Variants in CDC14A observed in about 807,000 individuals in gnomAD.
CDC14A encodes the protein cell division cycle 14A, also known as dual specificity protein phosphatase CDC14A.
A neutral mutation model predicts 74.4 loss-of-function variants in CDC14A; 53 were observed. The observed-to-expected ratio is 0.71, with a 90% confidence interval of 0.57 to 0.89. CDC14A has a LOEUF of 0.89. CDC14A is among the 40% of genes least tolerant of loss of function. The pLI is 0.00. For synonymous variants in CDC14A, 247 were observed against 258.4 expected (o/e 0.96, Z 0.43); for missense variants, 646 against 713.7 (o/e 0.91, Z 1.08).
chr1:100,422,587 T>C (rs763976786), intron 4 of CDC14A, among the ~76,000 whole-genome samples: 1 of 152,180 alleles, frequency 6.6e-6, no homozygotes, highest in Non-Finnish European at 1.5e-5. Flanking sequence ...AGTTTTGTAA[T>C]TATTTGAGCT....
chr1:100,429,633 C>T lies in CDC14A; in HGVS notation c.389+5332C>T, dbSNP rs150077374. 3.5e-3 allele frequency among the ~76,000 whole-genome samples: 523 copies of T among 150,046 alleles called. 7 individuals are homozygous for T. The highest frequency in any genetic ancestry group is 0.012 in the African/African-American group (496 of 40,838). On this transcript the variant is annotated intron_variant, in intron 5 of 15. Transcript: ENST00000336454. ...TTTTGAAAAACTGCATATATGATGCCAATATGTGTGGTCAAGGTTGAGAAC... is the reference window on the plus strand; with the variant it reads ...TTTTGAAAAACTGCATATATGATGCTAATATGTGTGGTCAAGGTTGAGAAC...
At chr1:100,516,218 G>T (rs180879125) in intron 15 of CDC14A, among the ~76,000 whole-genome samples, 31 of 152,282 alleles carry the variant, frequency 2.0e-4, no homozygotes, top group African/African-American at 7.5e-4. Flanking sequence ...ACTGGGTACT[G>T]TGATTCACTA....
At chr1:100,402,859 A>G (rs1476969622) in intron 4 of CDC14A, among the ~76,000 whole-genome samples, 1 of 152,244 alleles carries the variant, frequency 6.6e-6, no homozygotes, top group Non-Finnish European at 1.5e-5. Context: ...GTGGAAGAGT[A>G]GAATTTTCTA....
chr1:100,453,728 C>T (rs367992388), intron 7 of CDC14A, among the ~76,000 whole-genome samples: 2 of 152,202 alleles, frequency 1.3e-5, no homozygotes, highest in East Asian at 1.9e-4. Context: ...CAACCTTCAT[C>T]GCTGGGGCTC....
chr1:100,426,760 A>G (rs1419435364), intron 5 of CDC14A, among the ~76,000 whole-genome samples: 2 of 152,120 alleles, frequency 1.3e-5, no homozygotes, highest in Non-Finnish European at 2.9e-5. Context: ...ATATGCACCC[A>G]TTTCCTACTA....
chr1:100,386,393 G>A (rs144514164), intron 3 of CDC14A, among the ~76,000 whole-genome samples: 1 of 152,192 alleles, frequency 6.6e-6, no homozygotes, highest in East Asian at 1.9e-4. Context: ...CTTTGCTATG[G>A]CATACAGTGT....
intron 8 of CDC14A, among the ~76,000 whole-genome samples, chr1:100,456,205 G>A (rs1399389386): frequency 6.6e-6 from 1 of 151,952 alleles, no homozygotes; most frequent in Non-Finnish European, 1.5e-5. Flanking sequence ...TATTGCCATG[G>A]GCATACATAT....
upstream of CDC14A, among the ~76,000 whole-genome samples, chr1:100,352,003 T>TGTGC (rs1553167114): frequency 4.2e-4 from 52 of 122,852 alleles, no homozygotes; most frequent in East Asian, 1.0e-3. Context: ...TGTGTGTGTG[T>TGTGC]GCGCGCGCGC....
intron 5 of CDC14A, among the ~76,000 whole-genome samples, chr1:100,427,212 C>G (rs1181806634): frequency 6.6e-6 from 1 of 152,062 alleles, no homozygotes; most frequent in African/African-American, 2.4e-5. Flanking sequence ...GATATATTAA[C>G]ACTTTTAATT....
chr1:100,511,314 CCCTT>C (rs969953057), intron 15 of CDC14A, among the ~76,000 whole-genome samples: 1 of 152,180 alleles, frequency 6.6e-6, no homozygotes, highest in Non-Finnish European at 1.5e-5. Flanking sequence ...ACTTCCCCCT[CCCTT>C]GTCTCTTTGA....
rs996890998 is a variant in CDC14A, at chr1:100,485,419, T to C, written c.1137+968T>C. 8.3e-6 allele frequency: 5 copies of C among 601,712 alleles called. No individual in the cohort carries two copies. The South Asian group carries it at 3.6e-4, about 44-fold the overall frequency. 37.3% of individuals were successfully genotyped at this position (601,712 alleles called of 1,614,324 possible). On this transcript the variant is annotated intron_variant, in intron 11 of 15. Coordinates refer to ENST00000336454, the MANE Select transcript of CDC14A (RefSeq NM_003672.4). ...ACCTGTTCAAAATAGTGGAACAAGC[T>C]AGGCAGCGTGATGTGTGCCTGTGTG...
rs997805935 is a variant in CDC14A at position 100,380,006 on chromosome 1, G to T, written c.216+2385G>T. Among the ~76,000 whole-genome samples the T allele has an allele frequency of 2.6e-5, 4 of 152,260 alleles. No individual in the cohort carries two copies. In the South Asian group the frequency reaches 8.3e-4, roughly 32 times the overall value. ...CCCACCTCTTAACACTGGGGATCACGTGAGATTTGGAGAGGACAAATATCC... is the reference window on the plus strand; with the variant it reads ...CCCACCTCTTAACACTGGGGATCACTTGAGATTTGGAGAGGACAAATATCC... On this transcript the variant is annotated intron_variant, in intron 3 of 15. Transcript: ENST00000336454.
chr1:100,429,054 A>AG (rs1557750431), intron 5 of CDC14A, among the ~76,000 whole-genome samples: 3 of 151,978 alleles, frequency 2.0e-5, no homozygotes, highest in Non-Finnish European at 4.4e-5. Context: ...TACAAAAAAA[A>AG]GTAGCCAGCC....
chr1:100,352,051 G>T (rs1651099341), upstream of CDC14A, among the ~76,000 whole-genome samples: 1 of 137,656 alleles, frequency 7.3e-6, no homozygotes, highest in Non-Finnish European at 1.7e-5. Flanking sequence ...GGGTGAGTGG[G>T]CGAGAAAGAA....
Position 100,468,081 on chromosome 1 carries a change from C to T in CDC14A, c.964C>T (p.His322Tyr). The T allele has an allele frequency of 6.2e-7, 1 of 1,613,668 alleles. No individual in the cohort carries two copies. Among genetic ancestry groups the T allele is most frequent in the Non-Finnish European group, 8.5e-7 (1 of 1,179,836 alleles). Residue 322 changes from histidine (H) to tyrosine (Y), a missense_variant, in exon 10 of 16, where the codon CAC becomes TAC. His to Tyr is a moderately conservative substitution (Grantham distance 83). Coordinates refer to ENST00000336454, the MANE Select transcript of CDC14A (RefSeq NM_003672.4). ...RPGSIIGPQQ[H>Y]FLEEKQASLW... ...AGGCTCTATTATAGGACCCCAGCAG[C>T]ACTTCCTGGAAGAGTAAGTATATTG...
At chr1:100,488,111 A>G (rs866957123) in intron 11 of CDC14A, among the ~76,000 whole-genome samples, 21 of 152,204 alleles carry the variant, frequency 1.4e-4, no homozygotes, top group African/African-American at 4.8e-4. Flanking sequence ...TCACTTTAAC[A>G]TTTAGGGGCC....
At chr1:100,471,585 A>G (rs1380460532) in intron 10 of CDC14A, among the ~76,000 whole-genome samples, 1 of 152,150 alleles carries the variant, frequency 6.6e-6, no homozygotes, top group African/African-American at 2.4e-5. Flanking sequence ...ACACTCCCAG[A>G]TATGGATTCA....
At chr1:100,374,355 G>T (rs1169013914) in intron 2 of CDC14A, among the ~76,000 whole-genome samples, 1 of 152,128 alleles carries the variant, frequency 6.6e-6, no homozygotes, top group Non-Finnish European at 1.5e-5. Context: ...GGTATTTCTA[G>T]TTCTAGATCC....
intron 4 of CDC14A, among the ~76,000 whole-genome samples, chr1:100,419,683 T>A (rs1662014806): frequency 1.3e-5 from 2 of 152,150 alleles, no homozygotes; most frequent in Non-Finnish European, 2.9e-5. Context: ...ATTTGGTAAA[T>A]CATAGTGCTT....
Sources: gnomAD v4.1 joint callset for allele counts (sites outside exome capture counted in the v4.1 genomes callset) on GRCh38, gnomAD v4.1.1 for gene constraint, MANE v1.5 for transcripts, NCBI Gene and HGNC (gene_info 2026-07-23, HGNC 2026-07-21) for gene names.